PTPRQ: variants seen among roughly 807,000 people sequenced by gnomAD.
The protein encoded by PTPRQ is protein tyrosine phosphatase receptor type Q.
A neutral mutation model predicts 246.0 loss-of-function variants in PTPRQ; 199 were observed. The observed-to-expected ratio is 0.81, with a 90% CI of 0.72 to 0.91. The LOEUF (loss-of-function observed/expected upper bound fraction) is 0.91. Ranked by LOEUF, PTPRQ falls within the 40% of genes least tolerant of loss-of-function variation. PTPRQ has a pLI of 0.00. For synonymous variants in PTPRQ, 869 were observed against 853.2 expected, an observed-to-expected ratio of 1.02 and a Z score of -0.32; for missense variants, 2,624 against 2,528.4, an observed-to-expected ratio of 1.04 and a Z score of -0.81.
chr12:80,496,582 G>A, intron 14 of PTPRQ, 51 bp downstream of exon 14: 1 of 1,496,512 alleles, frequency 6.7e-7, no homozygotes, highest in Non-Finnish European at 8.9e-7. Flanking sequence ...GATATAGTAA[G>A]CAAAGCTGAT....
At chr12:80,604,832 TTTAA>T (rs1315672062) in intron 26 of PTPRQ, among the ~76,000 whole-genome samples, 28 of 151,700 alleles carry the variant, frequency 1.8e-4, no homozygotes, top group African/African-American at 4.3e-4. Flanking sequence ...AACTTATGAT[TTTAA>T]TTAATTAAGT....
At chr12:80,578,434 G>A (rs568463802) in intron 25 of PTPRQ, among the ~76,000 whole-genome samples, 3 of 151,364 alleles carry the variant, frequency 2.0e-5, no homozygotes, top group East Asian at 3.9e-4. Flanking sequence ...TCTGTCGCCC[G>A]GGCTGGAGTG....
intron 27 of PTPRQ, among the ~76,000 whole-genome samples, chr12:80,605,541 G>A (rs1415145037): frequency 6.6e-6 from 1 of 150,976 alleles, no homozygotes; most frequent in Non-Finnish European, 1.5e-5. Flanking sequence ...ACAAATATCT[G>A]GTTTACAGTA....
intron 9 of PTPRQ, among the ~76,000 whole-genome samples, chr12:80,488,052 T>A (rs1231367179): frequency 6.6e-6 from 1 of 151,952 alleles, no homozygotes; most frequent in African/African-American, 2.4e-5. Flanking sequence ...GGCCCTGGAT[T>A]CTTGCTGGCT....
Position 80,542,884 on chromosome 12 carries a change from A to T in PTPRQ, c.3873+3A>T, listed in dbSNP as rs1466028295. ...AAACTGACACTATATATTATAAGGTAGGTTGATTATAACAGTATATGTTTA... is the reference window on the plus strand; with the variant it reads ...AAACTGACACTATATATTATAAGGTTGGTTGATTATAACAGTATATGTTTA... On this transcript the variant is annotated splice_donor_region_variant and intron_variant, in intron 23 of 44. Coordinates refer to ENST00000644991, the MANE Select transcript of PTPRQ (RefSeq NM_001145026.2). The T allele has an allele frequency of 6.8e-7, 1 of 1,462,810 alleles. No individual in the cohort carries two copies. Among genetic ancestry groups the T allele is most frequent in the East Asian group, 2.6e-5 (1 of 38,488 alleles). 90.6% of individuals were successfully genotyped at this position (1,462,810 alleles called of 1,614,324 possible).
intron 35 of PTPRQ, among the ~76,000 whole-genome samples, chr12:80,635,537 TATG>T (rs1389032288): frequency 2.6e-5 from 4 of 152,108 alleles, no homozygotes; most frequent in Non-Finnish European, 4.4e-5. Context: ...CTAAGTTGTA[TATG>T]ATATCATTTT....
At chr12:80,641,870 TCTCTCTCTCTCTTG>T (rs1474831892) in intron 35 of PTPRQ, among the ~76,000 whole-genome samples, 1 of 151,910 alleles carries the variant, frequency 6.6e-6, no homozygotes, top group East Asian at 1.9e-4. Context: ...TCTCACTCTC[TCTCTCTCTCTCTTG>T]CTCTCTCTCT....
intron 12 of PTPRQ, among the ~76,000 whole-genome samples, chr12:80,495,662 A>T (rs993278743): frequency 6.6e-6 from 1 of 152,078 alleles, no homozygotes; most frequent in Non-Finnish European, 1.5e-5. Context: ...TATCAAAATA[A>T]CTCATTATTG....
chr12:80,569,996 G>T (rs1011745482), intron 25 of PTPRQ, among the ~76,000 whole-genome samples: 1 of 152,118 alleles, frequency 6.6e-6, no homozygotes, highest in Admixed American at 6.5e-5. Flanking sequence ...TGTGCATTTG[G>T]GTTGGTTCCA....
intron 17 of PTPRQ, among the ~76,000 whole-genome samples, chr12:80,526,834 G>A (rs1057029247): frequency 9.9e-5 from 15 of 151,940 alleles, no homozygotes; most frequent in African/African-American, 3.6e-4. Context: ...GCCTTATGAT[G>A]AGAAATTAAT....
At chr12:80,507,442 C>G (rs1894998915) in intron 16 of PTPRQ, among the ~76,000 whole-genome samples, 1 of 151,716 alleles carries the variant, frequency 6.6e-6, no homozygotes, top group Admixed American at 6.6e-5. Flanking sequence ...TTTTCTTTTT[C>G]ATCTTTCTTT....
chr12:80,657,213 A>C (rs115693422), intron 38 of PTPRQ, among the ~76,000 whole-genome samples: 1,738 of 151,986 alleles, frequency 0.011, 31 homozygotes, highest in African/African-American at 0.04. Context: ...GTTAATAGGA[A>C]AGGCATTAAA....
intron 32 of PTPRQ, 112 bp downstream of exon 32, chr12:80,620,488 G>T: frequency 1.4e-6 from 2 of 1,428,518 alleles, no homozygotes; most frequent in African/African-American, 1.5e-5. Flanking sequence ...TGTCCGCCAC[G>T]TATAGTGACC....
chr12:80,597,286 C>A (rs1444128944), intron 26 of PTPRQ, among the ~76,000 whole-genome samples: 1 of 151,972 alleles, frequency 6.6e-6, no homozygotes, highest in African/African-American at 2.4e-5. Context: ...GGCCCTAAGA[C>A]TCCAGTATGA....
Position 80,556,585 on chromosome 12 carries a change from C to G in PTPRQ, c.4285+6851C>G, listed in dbSNP as rs144443481. On this transcript the variant is annotated intron_variant, in intron 25 of 44. Transcript: ENST00000644991. ...ATAAAAGTCAGGTTTTCTAAATGTT[C>G]TTTTTGGTTTATCAGTATGCTATGA... 2.7e-3 allele frequency among the ~76,000 whole-genome samples: 409 copies of G among 152,120 alleles called. 2 individuals are homozygous for G. The highest frequency in any genetic ancestry group is 9.2e-3 in the African/African-American group (381 of 41,500).
At chr12:80,521,384 A>G (rs1251181858) in intron 17 of PTPRQ, among the ~76,000 whole-genome samples, 3 of 152,058 alleles carry the variant, frequency 2.0e-5, no homozygotes, top group Admixed American at 6.6e-5. Context: ...CCATTTGTCA[A>G]TTTTGGCTTT....
At chr12:80,446,756 A>T (rs937461125) in intron 3 of PTPRQ, among the ~76,000 whole-genome samples, 1 of 151,950 alleles carries the variant, frequency 6.6e-6, no homozygotes, top group Non-Finnish European at 1.5e-5. Context: ...AAAGAACATG[A>T]TTTTATTTTT....
intron 22 of PTPRQ, 136 bp from the exon 23 acceptor site, chr12:80,542,594 G>T: frequency 8.6e-7 from 1 of 1,162,792 alleles, no homozygotes; most frequent in Non-Finnish European, 1.2e-6. Context: ...AATTAATTAT[G>T]ATATTTGTTT....
intron 39 of PTPRQ, among the ~76,000 whole-genome samples, chr12:80,663,910 T>C (rs1200749531): frequency 6.6e-6 from 1 of 151,982 alleles, no homozygotes; most frequent in Non-Finnish European, 1.5e-5. Flanking sequence ...TTTGATTCTA[T>C]CGAATTTTCC....
Sources: gnomAD v4.1 joint callset for allele counts (sites outside exome capture counted in the v4.1 genomes callset) on GRCh38, gnomAD v4.1.1 for gene constraint, MANE v1.5 for transcripts, NCBI Gene and HGNC (gene_info 2026-07-23, HGNC 2026-07-21) for gene names.